The following FAM171B variants were observed in gnomAD, a reference collection of about 807,000 sequenced individuals.
FAM171B encodes protein FAM171B.
A neutral mutation model predicts 75.6 loss-of-function variants in FAM171B; 19 were observed. The observed-to-expected ratio is 0.25, with a 90% CI of 0.18 to 0.37. The LOEUF (loss-of-function observed/expected upper bound fraction) is 0.37, where lower values mean the gene tolerates loss of function less well. FAM171B is among the 10% of genes least tolerant of loss of function. FAM171B has a pLI of 1.00. For missense variants in FAM171B, 848 were observed against 982.4 expected, an observed-to-expected ratio of 0.86 and a Z score of 1.83; for synonymous variants, 367 against 361.7, an observed-to-expected ratio of 1.01 and a Z score of -0.17.
At chr2:186,756,496 T>C (rs932195135) in intron 6 of FAM171B, among the ~76,000 whole-genome samples, 2 of 152,136 alleles carry the variant, frequency 1.3e-5, no homozygotes, top group African/African-American at 2.4e-5. Flanking sequence ...TAACAGAAAT[T>C]TACGTTTTCA....
chr2:186,751,291 T>A lies in FAM171B; in HGVS notation c.882T>A (p.Phe294Leu), dbSNP rs2105789895. ...SAGDRIPAWT[F>L]DMNTGAWVNH... ...GGGATCGCATACCTGCTTGGACATT[T>A]GATATGAACACAGGTATGTGAGCTA... The change falls in exon 5 of 8, where the codon TTT (phenylalanine) becomes TTA (leucine). Residue 294 changes from phenylalanine to leucine, a missense_variant. By Grantham distance (22) the Phe-to-Leu change is conservative. Around this residue, in one of 3 missense-constraint regions of FAM171B, gnomAD observed 665 missense variants for 729.0 expected, o/e 0.91. Coordinates refer to ENST00000304698, the MANE Select transcript of FAM171B (RefSeq NM_177454.4). 1 of 1,592,886 alleles carries A rather than the reference T, an allele frequency of 6.3e-7. No homozygotes were observed. The highest frequency in any genetic ancestry group is 8.6e-7 in the Non-Finnish European group (1 of 1,166,884).
intron 1 of FAM171B, among the ~76,000 whole-genome samples, chr2:186,728,514 A>G (rs983422602): frequency 2.0e-5 from 3 of 152,188 alleles, no homozygotes; most frequent in Admixed American, 6.5e-5. Flanking sequence ...ATTGTTTCCA[A>G]CCAACTATTT....
chr2:186,705,785 A>T (rs957568342), intron 1 of FAM171B, among the ~76,000 whole-genome samples: 5 of 152,102 alleles, frequency 3.3e-5, no homozygotes, highest in African/African-American at 1.2e-4. Context: ...CCCTTAAAAG[A>T]TGTGATTGCT....
At chr2:186,758,813 A>AT in intron 6 of FAM171B, among the ~76,000 whole-genome samples, 1 of 152,226 alleles carries the variant, frequency 6.6e-6, no homozygotes, top group Non-Finnish European at 1.5e-5. Context: ...TACCTCAAGC[A>AT]TTGTTATAAA....
chr2:186,746,111 T>C (rs916176875), intron 3 of FAM171B, among the ~76,000 whole-genome samples: 14 of 152,356 alleles, frequency 9.2e-5, no homozygotes, highest in Middle Eastern at 3.4e-3. Flanking sequence ...AAAGCTGATG[T>C]TTCTGATAAT....
chr2:186,709,785 C>T (rs1327950423), intron 1 of FAM171B, among the ~76,000 whole-genome samples: 1 of 152,180 alleles, frequency 6.6e-6, no homozygotes, highest in African/African-American at 2.4e-5. Context: ...CCACACCCCA[C>T]CACAAGGCAG....
chr2:186,742,271 T>C (rs1690300119), intron 2 of FAM171B, among the ~76,000 whole-genome samples: 1 of 152,162 alleles, frequency 6.6e-6, no homozygotes, highest in African/African-American at 2.4e-5. Context: ...TGAATGTGTT[T>C]GAAGTTCAGA....
intron 1 of FAM171B, among the ~76,000 whole-genome samples, chr2:186,729,015 A>G (rs1559086329): frequency 6.6e-6 from 1 of 152,172 alleles, no homozygotes; most frequent in Non-Finnish European, 1.5e-5. Flanking sequence ...ATTGGTTTTA[A>G]TATTTTTTTC....
intron 2 of FAM171B, 150 bp from the exon 3 acceptor site, chr2:186,743,333 T>G (rs1690319079): frequency 1.7e-6 from 1 of 579,946 alleles, no homozygotes; most frequent in Non-Finnish European, 3.1e-6. Flanking sequence ...TTTACATTCA[T>G]TCTTCCTTTG....
intron 1 of FAM171B, among the ~76,000 whole-genome samples, chr2:186,714,870 G>A (rs1372783209): frequency 3.3e-5 from 5 of 152,148 alleles, no homozygotes; most frequent in East Asian, 3.9e-4. Context: ...TAAGGCAGCC[G>A]TGTCTAGATA....
At chr2:186,754,489 T>C (rs1170652865) in intron 6 of FAM171B, among the ~76,000 whole-genome samples, 1 of 152,198 alleles carries the variant, frequency 6.6e-6, no homozygotes, top group East Asian at 1.9e-4. Context: ...GATGGCCTAG[T>C]TAGCAGGCCT....
intron 3 of FAM171B, among the ~76,000 whole-genome samples, chr2:186,744,659 C>T (rs543848015): frequency 1.4e-4 from 21 of 152,070 alleles, no homozygotes; most frequent in Admixed American, 7.2e-4. Context: ...TCCCAAGTAG[C>T]TGGGATTAAA....
At chr2:186,731,859 C>T (rs1690119872) in intron 1 of FAM171B, among the ~76,000 whole-genome samples, 1 of 152,080 alleles carries the variant, frequency 6.6e-6, no homozygotes, top group Admixed American at 6.6e-5. Flanking sequence ...TTGAACTGAG[C>T]ATGTGAGGGA....
intron 1 of FAM171B, among the ~76,000 whole-genome samples, chr2:186,722,402 TATGGAA>T (rs1355593689): frequency 6.6e-6 from 1 of 152,146 alleles, no homozygotes; most frequent in Non-Finnish European, 1.5e-5. Flanking sequence ...GCATTAAAGA[TATGGAA>T]CCACTAAAAA....
At position 186,764,480 on chromosome 2, in the gene FAM171B, T is replaced by TG. The variant is rs1690671579; in HGVS notation, c.*1657_*1658insG. On this transcript the variant is annotated 3_prime_UTR_variant, in exon 8 of 8. Coordinates refer to ENST00000304698, the MANE Select transcript of FAM171B (RefSeq NM_177454.4). ...TAGGCTTCCTTTTTTTTTTTTTTTT[T>TG]TTTTTTTTAGTGATAAGGCTCATAA... 2.7e-5 allele frequency: 2 copies of TG among 73,510 alleles called. No homozygotes were observed. Among genetic ancestry groups the TG allele is most frequent in the Admixed American group, 1.4e-4 (1 of 7,344 alleles). 4.6% of individuals were successfully genotyped at this position (73,510 alleles called of 1,614,324 possible).
rs146778094 is a variant in FAM171B at position 186,729,659 on chromosome 2, T to A, written c.239-10569T>A. Among the ~76,000 whole-genome samples, 448 of 152,266 alleles carry A rather than the reference T, an allele frequency of 2.9e-3. 4 individuals are homozygous for A. The highest frequency in any genetic ancestry group is 9.9e-3 in the African/African-American group (410 of 41,550). ...CTTTGACCAGGCTTTCAGCTGAGGT[T>A]TTTTTTGTTTTGTTTTGTTTTGTTT... On this transcript the variant is annotated intron_variant, in intron 1 of 7. Coordinates refer to ENST00000304698, the MANE Select transcript of FAM171B (RefSeq NM_177454.4).
At chr2:186,743,840 A>G (rs1690328706) in intron 3 of FAM171B, among the ~76,000 whole-genome samples, 1 of 152,156 alleles carries the variant, frequency 6.6e-6, no homozygotes, top group Non-Finnish European at 1.5e-5. Context: ...CTTCTTTCCA[A>G]ATCACATTTC....
chr2:186,738,193 A>G (rs942610384), intron 1 of FAM171B, among the ~76,000 whole-genome samples: 2 of 152,216 alleles, frequency 1.3e-5, no homozygotes, highest in African/African-American at 4.8e-5. Flanking sequence ...AGCATATTGC[A>G]GCTATTTTAT....
At chr2:186,737,152 T>C (rs1161629579) in intron 1 of FAM171B, among the ~76,000 whole-genome samples, 2 of 152,200 alleles carry the variant, frequency 1.3e-5, no homozygotes, top group African/African-American at 4.8e-5. Flanking sequence ...CAGAGGTGGA[T>C]GGTGACTGAC....
Sources: allele counts gnomAD v4.1 joint callset (sites outside exome capture counted in the v4.1 genomes callset), GRCh38; gene constraint gnomAD v4.1.1; regional missense constraint gnomAD v4.1.1; transcripts MANE v1.5; gene names NCBI Gene and HGNC (gene_info 2026-07-23, HGNC 2026-07-21).